Variants in PLCB2 observed in about 807,000 individuals in gnomAD.
PLCB2 encodes the protein phospholipase C beta 2, also known as 1-phosphatidylinositol 4,5-bisphosphate phosphodiesterase beta-2.
Under a neutral mutation model 141.7 loss-of-function variants are expected in PLCB2, and 115 were observed. The ratio of observed to expected loss-of-function variants is 0.81; its 90% CI spans 0.70 to 0.95. The LOEUF (loss-of-function observed/expected upper bound fraction) is 0.95, where lower values mean the gene tolerates loss of function less well. PLCB2 is among the 40% of genes least tolerant of loss of function. The pLI, the probability that PLCB2 is intolerant of heterozygous loss-of-function variation, is 0.00. For missense variants in PLCB2, 1,403 were observed against 1,541.1 expected (o/e 0.91, Z 1.50); for synonymous variants, 603 against 595.6 (o/e 1.01, Z -0.18).
At position 40,307,707 on chromosome 15, in the gene PLCB2, G is replaced by A; in HGVS notation, c.-35C>T. The A allele has an allele frequency of 6.5e-7, 1 of 1,536,900 alleles. No individual in the cohort carries two copies. Among genetic ancestry groups the A allele is most frequent in the South Asian group, 1.2e-5 (1 of 81,042 alleles). ...CGTTCCTCTTTGCAGAATCTCAGCA[G>A]ACACAGGCAGGCAGAAGGGCAGGAA... On this transcript the variant is annotated 5_prime_UTR_variant, in exon 1 of 32. Coordinates refer to ENST00000260402, the MANE Select transcript of PLCB2 (RefSeq NM_004573.3).
intron 1 of PLCB2, among the ~76,000 whole-genome samples, chr15:40,305,221 C>G (rs1365305851): frequency 6.9e-6 from 1 of 145,586 alleles, no homozygotes; most frequent in Non-Finnish European, 1.5e-5. Context: ...GATACATGTG[C>G]AGAATGTGTG....
Position 40,289,297 on chromosome 15 carries a change from TC to T in PLCB2, c.3328del (p.Glu1110AsnfsTer22). The T allele has an allele frequency of 6.2e-7, 1 of 1,614,096 alleles. No individual in the cohort carries two copies. On this transcript the variant is annotated frameshift_variant, in exon 31 of 32. Transcript: ENST00000260402. LOFTEE classifies it low-confidence loss of function (END_TRUNC). ...CTGCTTTTCCATCTCCCGTATCTGT[TC>T]CAGGCAAGCCGCCTGCTTCTCCTCC... is the stretch of plus-strand genomic sequence containing the variant. ...KLEEKQAACLEQIREMEKQFQ... is the reference protein window; with the variant it reads ...KLEEKQAACLXQIREMEKQFQ...
intron 29 of PLCB2, 35 bp from the exon 30 acceptor site, chr15:40,290,117 AAACCC>A: frequency 1.5e-6 from 2 of 1,343,872 alleles, no homozygotes; most frequent in Non-Finnish European, 2.1e-6. Context: ...AAAAGGGAGA[AAACCC>A]CTAGGGAGAG....
At chr15:40,296,472 G>A (rs778113838) in intron 15 of PLCB2, 50 bp downstream of exon 15, 1 of 1,613,666 alleles carries the variant, frequency 6.2e-7, no homozygotes, top group Non-Finnish European at 8.5e-7. Flanking sequence ...CATCCAGGGG[G>A]CTTAACGGTG....
chr15:40,302,642 G>T, intron 3 of PLCB2, 33 bp from the exon 4 acceptor site: 2 of 1,611,330 alleles, frequency 1.2e-6, no homozygotes, highest in Non-Finnish European at 1.7e-6. Context: ...TAGGATGGAG[G>T]TGTGCTCCCT....
intron 27 of PLCB2, 54 bp from the exon 28 acceptor site, chr15:40,290,891 T>G (rs1323013422): frequency 2.6e-5 from 14 of 530,134 alleles, no homozygotes; most frequent in East Asian, 1.3e-4. Context: ...TCAGAGGGAG[T>G]ACGGGGGGCG....
chr15:40,290,649 T>A lies in PLCB2; in HGVS notation c.3137A>T (p.Lys1046Met). The change falls in exon 29 of 32, where the codon AAG (lysine) becomes ATG (methionine). Residue 1046 changes from lysine (K) to methionine (M), a missense_variant. By Grantham distance (95) the Lys-to-Met change is moderately conservative. This residue lies in a region of PLCB2 where 290 missense variants were observed against 245.9 expected (regional missense o/e 1.18). Transcript: ENST00000260402. The stretch of plus-strand genomic sequence containing the variant: ...CCGCTCCAGTCTCTTTGTCTCCAGC[T>A]TTTTCTTCATCTCTTTGGTGTCGCT... Reference protein sequence around the residue: ...SENDTKEMKKKLETKRLERIQ... With the variant: ...SENDTKEMKKMLETKRLERIQ... The A allele has an allele frequency of 6.2e-7, 1 of 1,613,992 alleles. No individual in the cohort carries two copies. The highest frequency in any genetic ancestry group is 8.5e-7 in the Non-Finnish European group (1 of 1,179,896).
rs750702293 is a variant in PLCB2 at position 40,288,821 on chromosome 15, G to A, written c.3452C>T (p.Pro1151Leu). ...SVRACLRTCF[P>L]SEAKDKPERA... ...CTCAGGCTTGTCCTTGGCCTCGGAG[G>A]GAAAGCAGGTCCTGAGGCAGGCCCT... Residue 1151 changes from proline to leucine, a missense_variant, in exon 32 of 32, where the codon CCC becomes CTC. By Grantham distance (98) the Pro-to-Leu change is moderately conservative (BLOSUM62 -3). Around this residue, in one of 4 missense-constraint regions of PLCB2, gnomAD observed 132 missense variants for 132.4 expected, o/e 1.00. Transcript: ENST00000260402. The A allele has an allele frequency of 3.7e-6, 6 of 1,613,822 alleles. No homozygotes were observed. Among genetic ancestry groups the A allele is most frequent in the South Asian group, 3.3e-5 (3 of 91,086 alleles).
Position 40,288,597 on chromosome 15 carries a change from GCAGCCACAGGTTCCCA to G in PLCB2, c.*102_*117del. The G allele has an allele frequency of 7.0e-7, 1 of 1,418,804 alleles. No individual in the cohort carries two copies. Among genetic ancestry groups the G allele is most frequent in the Non-Finnish European group, 9.2e-7 (1 of 1,088,448 alleles). 87.9% of individuals were successfully genotyped at this position (1,418,804 alleles called of 1,614,324 possible). A position where few individuals can be genotyped will look rare whatever the true frequency, so the allele number is the denominator to read the frequency against. Reference sequence around the variant, plus strand: ...TGAGGAGGGGGCTGCAGCGTCCAAGGCAGCCACAGGTTCCCACAGCCTCAGAAGGCTGGGGCTCCTT... The same window carrying G: ...TGAGGAGGGGGCTGCAGCGTCCAAGGCAGCCTCAGAAGGCTGGGGCTCCTT... On this transcript the variant is annotated 3_prime_UTR_variant, in exon 32 of 32. Coordinates refer to ENST00000260402, the MANE Select transcript of PLCB2 (RefSeq NM_004573.3).
downstream of PLCB2, among the ~76,000 whole-genome samples, chr15:40,284,864 A>AAAG (rs2039588911): frequency 2.1e-5 from 3 of 145,928 alleles, no homozygotes; most frequent in East Asian, 2.0e-4. Flanking sequence ...AAAAAAAAAA[A>AAAG]GGAAGTAATT....
Position 40,296,568 on chromosome 15 carries a change from G to A in PLCB2, c.1553C>T (p.Ser518Leu), listed in dbSNP as rs1006420029. ...AATCTCTTCTTCATCCAGGTTTCCT[G>A]ACTCCTCCTCCTCTTCCTCTTCCAC... ...EEVEEEEEEE[S>L]GNLDEEEIKK... Residue 518 changes from serine (S) to leucine (L), a missense_variant, in exon 15 of 32, where the codon TCA (serine) becomes TTA (leucine). By Grantham distance (145) the Ser-to-Leu change is moderately radical (BLOSUM62 -2). Transcript: ENST00000260402. The A allele has an allele frequency of 6.2e-7, 1 of 1,613,380 alleles. No individual in the cohort carries two copies. Among genetic ancestry groups the A allele is most frequent in the Non-Finnish European group, 8.5e-7 (1 of 1,179,558 alleles).
downstream of PLCB2, chr15:40,285,668 C>T (rs1403825016): frequency 1.0e-6 from 1 of 985,332 alleles, no homozygotes; most frequent in South Asian, 4.7e-5. Context: ...CTTTTCTTCC[C>T]TTTATGACTC....
chr15:40,303,356 C>T lies in PLCB2; in HGVS notation c.163G>A (p.Glu55Lys). ...YYLYWTYQSK[E>K]MEFLDITSIR... ...CTGGTGATATCCAGAAACTCCATCT[C>T]CTGGGGGCAGGGTGCGGATCCCGGT... Residue 55 changes from glutamate (E) to lysine (K), a missense_variant and splice_region_variant, in exon 3 of 32, where the codon GAG (glutamate) becomes AAG (lysine). Glu to Lys is a moderately conservative substitution (Grantham distance 56). Transcript: ENST00000260402. The T allele has an allele frequency of 6.2e-7, 1 of 1,613,036 alleles. No homozygotes were observed. The highest frequency in any genetic ancestry group is 8.5e-7 in the Non-Finnish European group (1 of 1,179,106).
intron 8 of PLCB2, 70 bp downstream of exon 8, chr15:40,299,058 T>C (rs565344727): frequency 6.4e-7 from 1 of 1,570,158 alleles, no homozygotes; most frequent in African/African-American, 1.3e-5. Context: ...ACTCCCGGCA[T>C]GGCAGGTGGG....
At position 40,298,943 on chromosome 15, in the gene PLCB2, G is replaced by A. The variant is rs1299232606; in HGVS notation, c.705C>T (p.Tyr235=). ...ATTTGGTCAGGTGCTCCTTCGTCAT[G>A]TAGGGTTTGGCCTTAGCATGGCTTC... ...FTSYHAKAKP[Y]MTKEHLTKFI... Residue 235 remains tyrosine, a synonymous_variant, in exon 9 of 32, where the codon TAC becomes TAT. Transcript: ENST00000260402. The A allele has an allele frequency of 6.2e-7, 1 of 1,607,012 alleles. No homozygotes were observed. The highest frequency in any genetic ancestry group is 8.5e-7 in the Non-Finnish European group (1 of 1,179,674).
chr15:40,294,980 C>G lies in PLCB2; in HGVS notation c.1862G>C (p.Trp621Ser). 6.2e-7 allele frequency: 1 copy of G among 1,614,140 alleles called. No individual in the cohort carries two copies. The highest frequency in any genetic ancestry group is 8.5e-7 in the Non-Finnish European group (1 of 1,179,998). Residue 621 changes from tryptophan to serine, a missense_variant, in exon 18 of 32, where the codon TGG becomes TCG. Coordinates refer to ENST00000260402, the MANE Select transcript of PLCB2 (RefSeq NM_004573.3). ...DSSNYMPQMF[W>S]NAGCQMVALN... ...GGCAACCATCTGGCATCCAGCATTC[C>G]AGAACATCTGGGGCATGTAGTTGGA...
chr15:40,296,952 G>A (rs564043151), intron 13 of PLCB2, 44 bp from the exon 14 acceptor site: 2 of 1,603,468 alleles, frequency 1.2e-6, no homozygotes, highest in East Asian at 2.2e-5. Context: ...TCACCTTCAT[G>A]GCATAGCCTG....
chr15:40,301,857 G>A, intron 7 of PLCB2, 100 bp downstream of exon 7: 1 of 1,028,876 alleles, frequency 9.7e-7, no homozygotes. Context: ...GGCTGGGGCT[G>A]TGATGTCACC....
intron 2 of PLCB2, among the ~76,000 whole-genome samples, chr15:40,303,722 CAGGCAG>C (rs1331026148): frequency 6.6e-6 from 1 of 152,214 alleles, no homozygotes; most frequent in Non-Finnish European, 1.5e-5. Context: ...CCCACAGCCA[CAGGCAG>C]AGCATCAGCC....
Sources: allele counts gnomAD v4.1 joint callset (sites outside exome capture counted in the v4.1 genomes callset), GRCh38; gene constraint gnomAD v4.1.1; regional missense constraint gnomAD v4.1.1; transcripts MANE v1.5; gene names NCBI Gene and HGNC (gene_info 2026-07-23, HGNC 2026-07-21).